KIAA1549L: variants seen among roughly 807,000 people sequenced by gnomAD.
The protein encoded by KIAA1549L is UPF0606 protein KIAA1549L.
KIAA1549L carries 88 observed loss-of-function variants against 160.7 expected under a neutral mutation model. The observed-to-expected ratio is 0.55, with a 90% CI of 0.46 to 0.65. The LOEUF (loss-of-function observed/expected upper bound fraction) is 0.65, where lower values mean the gene tolerates loss of function less well. KIAA1549L is among the 30% of genes least tolerant of loss of function. The pLI, the probability that KIAA1549L is intolerant of heterozygous loss-of-function variation, is 0.00. For synonymous variants in KIAA1549L, 950 were observed against 976.7 expected, an observed-to-expected ratio of 0.97 and a Z score of 0.51; for missense variants, 2,258 against 2,437.5, an observed-to-expected ratio of 0.93 and a Z score of 1.55.
chr11:33,604,852 A>G (rs1045177077), intron 13 of KIAA1549L, among the ~76,000 whole-genome samples: 5 of 152,218 alleles, frequency 3.3e-5, no homozygotes, highest in Non-Finnish European at 7.3e-5. Context: ...GGTACAGGAT[A>G]CACTACTTAC....
chr11:33,629,772 C>T (rs1306692323), intron 16 of KIAA1549L, among the ~76,000 whole-genome samples: 2 of 150,818 alleles, frequency 1.3e-5, no homozygotes, highest in Non-Finnish European at 2.9e-5. Context: ...TCGTCTGAAG[C>T]CTTCTTCTCT....
intron 1 of KIAA1549L, among the ~76,000 whole-genome samples, chr11:33,454,145 GAAGT>G (rs1274325669): frequency 6.6e-6 from 1 of 152,210 alleles, no homozygotes; most frequent in African/African-American, 2.4e-5. Flanking sequence ...CTGGAACCAA[GAAGT>G]AAGCGGAGGA....
At chr11:33,569,745 C>A (rs982813774) in intron 9 of KIAA1549L, among the ~76,000 whole-genome samples, 1 of 152,144 alleles carries the variant, frequency 6.6e-6, no homozygotes, top group East Asian at 1.9e-4. Flanking sequence ...GACCTTACCA[C>A]GAGGTAAAGC....
At chr11:33,655,865 T>C in intron 17 of KIAA1549L, 147 bp from the exon 18 acceptor site, 2 of 633,932 alleles carry the variant, frequency 3.2e-6, no homozygotes, top group African/African-American at 1.8e-5. Context: ...GCTGGAAACA[T>C]GTGAGGGAAG....
intron 1 of KIAA1549L, among the ~76,000 whole-genome samples, chr11:33,475,746 G>T (rs892341501): frequency 1.3e-5 from 2 of 151,682 alleles, no homozygotes; most frequent in East Asian, 1.9e-4. Context: ...GGTCCCAGCT[G>T]CTCAGAAGGC....
At position 33,557,283 on chromosome 11, in the gene KIAA1549L, C is replaced by G. The variant is rs146248982; in HGVS notation, c.3856-2466C>G. Reference sequence around the variant, plus strand: ...GGATTACTGGCATGAGCCACCACACCCAGCCAGGATGTGGTTTTGTTGAGA... The same window carrying G: ...GGATTACTGGCATGAGCCACCACACGCAGCCAGGATGTGGTTTTGTTGAGA... On this transcript the variant is annotated intron_variant, in intron 6 of 20. Coordinates refer to ENST00000658780, the MANE Select transcript of KIAA1549L (RefSeq NM_012194.3). Among the ~76,000 whole-genome samples the G allele has an allele frequency of 9.2e-5, 14 of 152,320 alleles. 1 individual carries two copies. Among genetic ancestry groups the G allele is most frequent in the African/African-American group, 2.6e-4 (11 of 41,568 alleles).
At chr11:33,459,844 C>T (rs967445858) in intron 1 of KIAA1549L, among the ~76,000 whole-genome samples, 10 of 147,868 alleles carry the variant, frequency 6.8e-5, no homozygotes, top group African/African-American at 2.3e-4. Flanking sequence ...GCCTGTAGTC[C>T]CAGCTACTTG....
At position 33,618,268 on chromosome 11, in the gene KIAA1549L, G is replaced by T. The variant is rs146401581; in HGVS notation, c.5280-265G>T. 7.9e-5 allele frequency among the ~76,000 whole-genome samples: 12 copies of T among 152,284 alleles called. No homozygotes were observed. The East Asian group carries it at 2.1e-3, about 27-fold the overall frequency. On this transcript the variant is annotated intron_variant, in intron 15 of 20. Transcript: ENST00000658780. ...CATCAGCAGAATTTTAAATGAGGTTGCAATGTTGCAATTGACTGTAGTTAC... is the reference window on the plus strand; with the variant it reads ...CATCAGCAGAATTTTAAATGAGGTTTCAATGTTGCAATTGACTGTAGTTAC...
chr11:33,497,552 C>G (rs529462834), intron 1 of KIAA1549L, among the ~76,000 whole-genome samples: 1 of 152,142 alleles, frequency 6.6e-6, no homozygotes, highest in African/African-American at 2.4e-5. Context: ...CCCAAAGCAC[C>G]ATAAAACTTC....
chr11:33,519,536 A>C (rs1211063949), intron 1 of KIAA1549L, among the ~76,000 whole-genome samples: 4 of 152,198 alleles, frequency 2.6e-5, no homozygotes, highest in Non-Finnish European at 5.9e-5. Flanking sequence ...GTTAACAATT[A>C]CTTCAGGGTA....
chr11:33,415,169 G>A (rs1850863743), intron 1 of KIAA1549L, among the ~76,000 whole-genome samples: 1 of 151,728 alleles, frequency 6.6e-6, no homozygotes. Context: ...GTGAAGTTGT[G>A]TTTGGCTAGT....
chr11:33,481,294 T>C (rs1852406947), intron 1 of KIAA1549L, among the ~76,000 whole-genome samples: 1 of 152,270 alleles, frequency 6.6e-6, no homozygotes. Flanking sequence ...CATTGCTCTT[T>C]TTTATCTCTT....
chr11:33,655,743 T>A (rs1375501882), intron 17 of KIAA1549L, among the ~76,000 whole-genome samples: 2 of 151,928 alleles, frequency 1.3e-5, no homozygotes, highest in African/African-American at 4.8e-5. Context: ...AGCACCCAGG[T>A]GGAAGAAAAG....
At chr11:33,623,226 A>G (rs1342238127) in intron 16 of KIAA1549L, among the ~76,000 whole-genome samples, 1 of 152,188 alleles carries the variant, frequency 6.6e-6, no homozygotes, top group Non-Finnish European at 1.5e-5. Flanking sequence ...AGTGGTCCCA[A>G]TTAAGGGTAC....
chr11:33,535,450 A>G (rs1319521483), intron 1 of KIAA1549L, among the ~76,000 whole-genome samples: 1 of 152,076 alleles, frequency 6.6e-6, no homozygotes, highest in Non-Finnish European at 1.5e-5. Context: ...TGGCGGGAAG[A>G]TCACTTGAGC....
At chr11:33,544,434 AGCTTT>A in intron 2 of KIAA1549L, 98 bp downstream of exon 2, 1 of 1,311,764 alleles carries the variant, frequency 7.6e-7, no homozygotes, top group Non-Finnish European at 1.1e-6. Flanking sequence ...CGCAGATACC[AGCTTT>A]GCTCTGAAGG....
chr11:33,544,320 C>A lies in KIAA1549L; in HGVS notation c.2757C>A (p.His919Gln). The part of the protein sequence containing the change: ...TSSRVLRASQ[H>Q]PKKWTADTVS... The stretch of plus-strand genomic sequence containing the variant: ...CCAGAGTGCTGCGGGCTTCTCAGCA[C>A]CCCAAGAAATGGACAGGTGCAGCCA... Residue 919 changes from histidine (H) to glutamine (Q), a missense_variant, in exon 2 of 21, where the codon CAC becomes CAA. His to Gln is a conservative substitution (Grantham distance 24). Transcript: ENST00000658780. The A allele has an allele frequency of 1.2e-6, 2 of 1,613,890 alleles. No homozygotes were observed. Among genetic ancestry groups the A allele is most frequent in the Non-Finnish European group, 1.7e-6 (2 of 1,179,866 alleles).
At chr11:33,614,863 A>G (rs1435920225) in intron 15 of KIAA1549L, among the ~76,000 whole-genome samples, 1 of 149,906 alleles carries the variant, frequency 6.7e-6, no homozygotes, top group Non-Finnish European at 1.5e-5. Flanking sequence ...GGCTTGCCTC[A>G]GCCTCCCAAA....
intron 1 of KIAA1549L, among the ~76,000 whole-genome samples, chr11:33,390,590 A>G (rs1850254571): frequency 6.6e-6 from 1 of 152,258 alleles, no homozygotes; most frequent in South Asian, 2.1e-4. Flanking sequence ...AGCAGAGGCC[A>G]GAGGAGAAGG....
Sources: allele counts gnomAD v4.1 joint callset (sites outside exome capture counted in the v4.1 genomes callset), GRCh38; gene constraint gnomAD v4.1.1; transcripts MANE v1.5; gene names NCBI Gene and HGNC (gene_info 2026-07-23, HGNC 2026-07-21).